ARL15: variants seen among roughly 807,000 people sequenced by gnomAD.
The protein encoded by ARL15 is ADP-ribosylation factor-like protein 15.
A neutral mutation model predicts 25.2 loss-of-function variants in ARL15; 19 were observed. The observed-to-expected ratio is 0.75, with a 90% CI of 0.53 to 1.10. ARL15 has a LOEUF of 1.10. ARL15 is among the 50% of genes least tolerant of loss of function. The pLI, the probability that ARL15 is intolerant of heterozygous loss-of-function variation, is 0.00. For synonymous variants in ARL15, 94 were observed against 86.8 expected (o/e 1.08, Z -0.46); for missense variants, 220 against 246.0 (o/e 0.89, Z 0.71).
At position 53,993,235 on chromosome 5, in the gene ARL15, C is replaced by T. The variant is rs569494611; in HGVS notation, c.463-106522G>A. On this transcript the variant is annotated intron_variant, in intron 4 of 4. Coordinates refer to ENST00000504924, the MANE Select transcript of ARL15 (RefSeq NM_019087.3). ...CCTAGTCGTTAGCCTTGGAACCAAA[C>T]TGTTAACTCTCTTCTTTCCTTTGAG... 8.7e-4 allele frequency among the ~76,000 whole-genome samples: 132 copies of T among 152,260 alleles called. 3 individuals carry two copies. The South Asian group carries it at 0.025, about 28-fold the overall frequency.
intron 1 of ARL15, among the ~76,000 whole-genome samples, chr5:54,200,943 C>T (rs1362189060): frequency 6.6e-6 from 1 of 152,058 alleles, no homozygotes; most frequent in African/African-American, 2.4e-5. Flanking sequence ...CTCAACTAAT[C>T]GGATTTACTT....
Position 54,269,911 on chromosome 5 carries a change from C to T in ARL15, c.48+40521G>A, listed in dbSNP as rs370648581. On this transcript the variant is annotated intron_variant, in intron 1 of 4. Transcript: ENST00000504924. Reference sequence around the variant, plus strand: ...CCACCTGCCTCGGTCTCCCAAAGTGCTGAGATTACAGGCGTGAGCCACCAC... The same window carrying T: ...CCACCTGCCTCGGTCTCCCAAAGTGTTGAGATTACAGGCGTGAGCCACCAC... Among the ~76,000 whole-genome samples, 388 of 152,296 alleles carry T rather than the reference C, an allele frequency of 2.5e-3. 1 individual carries two copies. The highest frequency in any genetic ancestry group is 8.3e-3 in the African/African-American group (343 of 41,572).
At chr5:54,028,097 A>G (rs1561194470) in intron 4 of ARL15, among the ~76,000 whole-genome samples, 1 of 151,634 alleles carries the variant, frequency 6.6e-6, no homozygotes, top group Non-Finnish European at 1.5e-5. Context: ...ATTTTTTTGT[A>G]TTTTTAGTAA....
intron 1 of ARL15, among the ~76,000 whole-genome samples, chr5:54,188,597 A>G (rs551398492): frequency 2.6e-5 from 4 of 152,312 alleles, no homozygotes; most frequent in African/African-American, 7.2e-5. Context: ...AGTATATAAA[A>G]TGTATCTGAG....
At chr5:54,217,006 T>G (rs1756226919) in intron 1 of ARL15, among the ~76,000 whole-genome samples, 1 of 152,106 alleles carries the variant, frequency 6.6e-6, no homozygotes, top group Non-Finnish European at 1.5e-5. Context: ...AAAAGCCAGA[T>G]TAAGTCTCTA....
At chr5:54,203,806 A>G (rs537154050) in intron 1 of ARL15, among the ~76,000 whole-genome samples, 2 of 152,180 alleles carry the variant, frequency 1.3e-5, no homozygotes, top group Non-Finnish European at 2.9e-5. Flanking sequence ...AACCAAGAAC[A>G]AAAAGGGTTG....
intron 4 of ARL15, among the ~76,000 whole-genome samples, chr5:54,031,001 T>C (rs958308235): frequency 1.3e-5 from 2 of 152,158 alleles, no homozygotes; most frequent in African/African-American, 4.8e-5. Context: ...AAGTAGCACA[T>C]ACTTAGAGTC....
chr5:54,196,051 T>C (rs1241700829), intron 1 of ARL15, among the ~76,000 whole-genome samples: 1 of 152,162 alleles, frequency 6.6e-6, no homozygotes, highest in African/African-American at 2.4e-5. Context: ...ACCTGACTCT[T>C]TTTAATGTCA....
intron 4 of ARL15, among the ~76,000 whole-genome samples, chr5:54,075,102 T>C (rs532837453): frequency 9.7e-6 from 1 of 103,374 alleles, no homozygotes; most frequent in African/African-American, 3.4e-5. Flanking sequence ...AGTCCTGGCC[T>C]ATCATTATAC....
chr5:54,262,143 C>T (rs1475075258), intron 1 of ARL15, among the ~76,000 whole-genome samples: 2 of 152,120 alleles, frequency 1.3e-5, no homozygotes, highest in Admixed American at 6.5e-5. Flanking sequence ...GTATATAAAA[C>T]ATCACCCTCC....
intron 4 of ARL15, among the ~76,000 whole-genome samples, chr5:54,112,298 C>T (rs892731005): frequency 2.0e-5 from 3 of 152,074 alleles, no homozygotes; most frequent in African/African-American, 4.8e-5. Context: ...GGCTATCTGC[C>T]GTGGGTCACA....
intron 4 of ARL15, among the ~76,000 whole-genome samples, chr5:54,100,795 C>A (rs950331199): frequency 6.6e-6 from 1 of 151,998 alleles, no homozygotes; most frequent in Non-Finnish European, 1.5e-5. Context: ...GCATTTCTAA[C>A]CTTTTGACAT....
intron 2 of ARL15, among the ~76,000 whole-genome samples, chr5:54,169,160 A>G (rs997617469): frequency 1.3e-5 from 2 of 152,222 alleles, no homozygotes; most frequent in African/African-American, 4.8e-5. Context: ...TACAAGTAAG[A>G]AAATTATATA....
intron 1 of ARL15, among the ~76,000 whole-genome samples, chr5:54,267,206 C>G (rs1223569272): frequency 1.3e-5 from 2 of 152,232 alleles, no homozygotes; most frequent in East Asian, 3.9e-4. Flanking sequence ...ATTCTCCTGC[C>G]TCAGCCTCCT....
At chr5:53,904,709 A>C (rs971310872) in intron 4 of ARL15, among the ~76,000 whole-genome samples, 1 of 151,294 alleles carries the variant, frequency 6.6e-6, no homozygotes, top group African/African-American at 2.4e-5. Flanking sequence ...GGTATGTTTA[A>C]ATTAAAATAA....
chr5:54,153,155 T>C (rs1187725397), intron 3 of ARL15, among the ~76,000 whole-genome samples: 1 of 152,230 alleles, frequency 6.6e-6, no homozygotes, highest in Admixed American at 6.5e-5. Context: ...TCTTTGATTT[T>C]TAAATATCCA....
At chr5:54,058,012 A>T (rs55734349) in intron 4 of ARL15, among the ~76,000 whole-genome samples, 18,264 of 64,920 alleles carry the variant, frequency 0.28, 1,375 homozygotes, top group Non-Finnish European at 0.39. Flanking sequence ...TTATTTATTT[A>T]TTTATTTTTT....
At chr5:54,258,133 C>A (rs1222360608) in intron 1 of ARL15, among the ~76,000 whole-genome samples, 2 of 147,672 alleles carry the variant, frequency 1.4e-5, no homozygotes, top group African/African-American at 5.1e-5. Context: ...GAGTTTGAGA[C>A]GAGCCTGGGC....
intron 4 of ARL15, among the ~76,000 whole-genome samples, chr5:54,046,404 C>T (rs1035330225): frequency 6.6e-6 from 1 of 152,118 alleles, no homozygotes; most frequent in African/African-American, 2.4e-5. Flanking sequence ...TCACTTGAAC[C>T]CAGGAGGCAG....
Sources: gnomAD v4.1 joint callset for allele counts (sites outside exome capture counted in the v4.1 genomes callset) on GRCh38, gnomAD v4.1.1 for gene constraint, MANE v1.5 for transcripts, NCBI Gene and HGNC (gene_info 2026-07-23, HGNC 2026-07-21) for gene names.